The following CADM1 variants were observed in gnomAD, a reference collection of about 807,000 sequenced individuals.
The protein encoded by CADM1 is TSLC-1.
CADM1 carries 15 observed loss-of-function variants against 53.1 expected under a neutral mutation model. The ratio of observed to expected loss-of-function variants is 0.28; its 90% CI spans 0.19 to 0.44. CADM1 has a LOEUF of 0.44. Ranked by LOEUF, CADM1 falls within the 20% of genes least tolerant of loss-of-function variation. CADM1 has a pLI of 1.00. For missense variants in CADM1, 434 were observed against 611.3 expected (o/e 0.71, Z 3.06); for synonymous variants, 281 against 243.0 (o/e 1.16, Z -1.45).
intron 1 of CADM1, among the ~76,000 whole-genome samples, chr11:115,387,012 C>A (rs975439203): frequency 1.3e-5 from 2 of 152,132 alleles, no homozygotes; most frequent in African/African-American, 4.8e-5. Flanking sequence ...AAGCAGGGAA[C>A]ATAACCCATT....
chr11:115,425,840 T>G (rs751045544), intron 1 of CADM1, among the ~76,000 whole-genome samples: 1 of 152,336 alleles, frequency 6.6e-6, no homozygotes, highest in South Asian at 2.1e-4. Flanking sequence ...AATTAAAAAC[T>G]TCCTTACTGC....
At chr11:115,488,674 C>T (rs2135423004) in intron 1 of CADM1, among the ~76,000 whole-genome samples, 1 of 152,274 alleles carries the variant, frequency 6.6e-6, no homozygotes, top group Middle Eastern at 3.4e-3. Flanking sequence ...TACACAAGAC[C>T]AAAAGGAAAC....
At chr11:115,273,928 T>C (rs1943373982) in intron 1 of CADM1, among the ~76,000 whole-genome samples, 1 of 152,204 alleles carries the variant, frequency 6.6e-6, no homozygotes. Context: ...TACTAGAGTG[T>C]TGGTCTTCAT....
intron 1 of CADM1, among the ~76,000 whole-genome samples, chr11:115,412,381 A>C (rs1172380952): frequency 6.6e-6 from 1 of 152,056 alleles, no homozygotes; most frequent in Admixed American, 6.6e-5. Context: ...ATTTTTTTAG[A>C]GATAGGATCT....
chr11:115,187,171 A>T lies in CADM1; in HGVS notation c.1165+3717T>A, dbSNP rs543646819. Among the ~76,000 whole-genome samples the T allele has an allele frequency of 3.3e-5, 5 of 152,218 alleles. No homozygotes were observed. In the South Asian group the frequency reaches 6.2e-4, roughly 19 times the overall value. On this transcript the variant is annotated intron_variant, in intron 10 of 11. Coordinates refer to ENST00000331581, the MANE Select transcript of CADM1 (RefSeq NM_001301043.2). Reference sequence around the variant, plus strand: ...CTCATCTGGTTTTTAATGTTTTATTATCATTATTGTTGTTATTACTCTACC... The same window carrying T: ...CTCATCTGGTTTTTAATGTTTTATTTTCATTATTGTTGTTATTACTCTACC...
chr11:115,309,305 G>T (rs995545766), intron 1 of CADM1, among the ~76,000 whole-genome samples: 1 of 152,074 alleles, frequency 6.6e-6, no homozygotes, highest in Non-Finnish European at 1.5e-5. Context: ...AAAACCAAAA[G>T]AAAGATTGTC....
At chr11:115,238,760 T>A in intron 2 of CADM1, 108 bp from the exon 3 acceptor site, 1 of 1,210,384 alleles carries the variant, frequency 8.3e-7, no homozygotes, top group South Asian at 1.3e-5. Flanking sequence ...TGACTTACTA[T>A]TTTGGGTGTT....
chr11:115,401,881 C>T (rs1374039635), intron 1 of CADM1, among the ~76,000 whole-genome samples: 1 of 151,996 alleles, frequency 6.6e-6, no homozygotes, highest in African/African-American at 2.4e-5. Flanking sequence ...ACAGGGAAGG[C>T]TATGCATGTA....
At chr11:115,364,226 C>T (rs1946100794) in intron 1 of CADM1, among the ~76,000 whole-genome samples, 1 of 152,118 alleles carries the variant, frequency 6.6e-6, no homozygotes. Context: ...GTTTCAAAAC[C>T]TACAGTTCTT....
chr11:115,474,851 T>TA (rs1352585711), intron 1 of CADM1, among the ~76,000 whole-genome samples: 34 of 152,034 alleles, frequency 2.2e-4, no homozygotes, highest in Middle Eastern at 3.4e-3. Context: ...GTATAATAAT[T>TA]AAAAAAACCA....
intron 1 of CADM1, among the ~76,000 whole-genome samples, chr11:115,306,270 AG>A (rs1210915295): frequency 2.6e-5 from 4 of 152,038 alleles, no homozygotes; most frequent in African/African-American, 9.7e-5. Context: ...TATTCAGTGC[AG>A]TAACATGCGT....
intron 7 of CADM1, among the ~76,000 whole-genome samples, chr11:115,210,363 C>T (rs542615053): frequency 3.3e-5 from 5 of 152,228 alleles, no homozygotes; most frequent in Admixed American, 6.5e-5. Flanking sequence ...ACTGAAAGAA[C>T]GTTTTCCATC....
At chr11:115,394,749 A>C (rs1459374295) in intron 1 of CADM1, among the ~76,000 whole-genome samples, 1 of 152,196 alleles carries the variant, frequency 6.6e-6, no homozygotes, top group Non-Finnish European at 1.5e-5. Flanking sequence ...AAGTTTCTGA[A>C]ACAGGAGCTC....
rs181643968 is a variant in CADM1 at position 115,493,938 on chromosome 11, A to G, written c.124+10333T>C. On this transcript the variant is annotated intron_variant, in intron 1 of 11. Transcript: ENST00000331581. ...ATATCCAATGTGTGATCTCTGATAG[A>G]TTCTGCAGCAGAGAGAACAAAGTAA... Among the ~76,000 whole-genome samples, 24 of 152,328 alleles carry G rather than the reference A, an allele frequency of 1.6e-4. No homozygotes were observed. The East Asian group carries it at 4.0e-3, about 26-fold the overall frequency.
At chr11:115,447,571 T>C (rs61905829) in intron 1 of CADM1, among the ~76,000 whole-genome samples, 47 of 284 alleles carry the variant, frequency 0.17, no homozygotes, top group Admixed American at 0.43. Flanking sequence ...CTGGAGGCAC[T>C]GAAGCTTCTC....
chr11:115,317,327 G>A (rs1464864246), intron 1 of CADM1, among the ~76,000 whole-genome samples: 1 of 152,042 alleles, frequency 6.6e-6, no homozygotes, highest in African/African-American at 2.4e-5. Context: ...TTTAAATAGG[G>A]CCTGTGGGTC....
intron 1 of CADM1, among the ~76,000 whole-genome samples, chr11:115,279,943 G>A (rs549003418): frequency 1.4e-4 from 21 of 152,300 alleles, no homozygotes; most frequent in African/African-American, 4.3e-4. Flanking sequence ...GGATGAGTGC[G>A]TGACTCGCAT....
At chr11:115,198,524 C>T in intron 8 of CADM1, 86 bp from the exon 9 acceptor site, 2 of 973,612 alleles carry the variant, frequency 2.1e-6, no homozygotes, top group Non-Finnish European at 1.6e-6. Context: ...AAAAATGGAA[C>T]AGATAATATA....
intron 1 of CADM1, among the ~76,000 whole-genome samples, chr11:115,365,821 G>A (rs769427597): frequency 3.1e-4 from 47 of 152,126 alleles, no homozygotes; most frequent in Non-Finnish European, 5.4e-4. Flanking sequence ...GGCCCACATT[G>A]CTAATCTTGC....
Sources: gnomAD v4.1 joint callset for allele counts (sites outside exome capture counted in the v4.1 genomes callset) on GRCh38, gnomAD v4.1.1 for gene constraint, MANE v1.5 for transcripts, NCBI Gene and HGNC (gene_info 2026-07-23, HGNC 2026-07-21) for gene names.